USP34: variants seen among roughly 807,000 people sequenced by gnomAD.
USP34 encodes the protein ubiquitin carboxyl-terminal hydrolase 34.
In USP34, 70 loss-of-function variants were observed where a neutral mutation model predicts 460.3. The ratio of observed to expected loss-of-function variants is 0.15; its 90% CI spans 0.13 to 0.19. The LOEUF (loss-of-function observed/expected upper bound fraction) is 0.19. USP34 is among the 10% of genes least tolerant of loss of function. USP34 has a pLI of 1.00. For missense variants in USP34, 3,985 were observed against 4,236.2 expected (o/e 0.94, Z 1.65); for synonymous variants, 1,647 against 1,405.3 (o/e 1.17, Z -3.85).
At position 61,373,378 on chromosome 2, in the gene USP34, T is replaced by A. The variant is rs530966962; in HGVS notation, c.1077-2799A>T. ...AGATTATATGACTAGTTTTTTTTTT[T>A]AAAGATCCAACTATATGCTACCCCC... On this transcript the variant is annotated intron_variant, in intron 8 of 79. Coordinates refer to ENST00000398571, the MANE Select transcript of USP34 (RefSeq NM_014709.4). Among the ~76,000 whole-genome samples, 10 of 151,490 alleles carry A rather than the reference T, an allele frequency of 6.6e-5. No homozygotes were observed. In the South Asian group the frequency reaches 1.9e-3, roughly 29 times the overall value.
chr2:61,274,097 G>T (rs1384781703), intron 41 of USP34, among the ~76,000 whole-genome samples: 1 of 151,588 alleles, frequency 6.6e-6, no homozygotes, highest in Non-Finnish European at 1.5e-5. Context: ...TTCTGGCTTC[G>T]AAAATAAGCA....
In USP34 at chr2:61,236,154, T is replaced by C. The variant is rs772663167; in HGVS notation, c.6918+7A>G. The C allele has an allele frequency of 1.2e-6, 2 of 1,605,674 alleles. No individual in the cohort carries two copies. Among genetic ancestry groups the C allele is most frequent in the Non-Finnish European group, 1.7e-6 (2 of 1,177,206 alleles). ...ACAGAATTATTTAAAGTTCATATAT[T>C]TATTACCTTTGCTGTCATTAAGGAC... On this transcript the variant is annotated splice_region_variant and intron_variant, in intron 55 of 79. Transcript: ENST00000398571.
At chr2:61,302,521 C>T (rs1252173415) in intron 27 of USP34, among the ~76,000 whole-genome samples, 2 of 152,098 alleles carry the variant, frequency 1.3e-5, no homozygotes, top group Non-Finnish European at 2.9e-5. Flanking sequence ...TCAATCTTGG[C>T]CCTCAAAATG....
In USP34 at chr2:61,325,384, C is replaced by A; in HGVS notation, c.3004G>T (p.Asp1002Tyr). 1 of 1,549,514 alleles carries A rather than the reference C, an allele frequency of 6.5e-7. No homozygotes were observed. The highest frequency in any genetic ancestry group is 8.7e-7 in the Non-Finnish European group (1 of 1,155,508). ...TGATTAAAAAACTTACTGAAATGAT[C>A]AGGTGATCCCAGAGTTGAAAATACA... ...TCVFSTLGSP[D>Y]HFRLSLEQVD... is the part of the protein sequence containing the mutation. The change falls in exon 21 of 80, where the codon GAT becomes TAT. Residue 1002 changes from aspartate to tyrosine, a missense_variant. Physicochemically the swap from Asp to Tyr is radical, Grantham distance 160 (BLOSUM62 -3). Coordinates refer to ENST00000398571, the MANE Select transcript of USP34 (RefSeq NM_014709.4).
intron 41 of USP34, among the ~76,000 whole-genome samples, chr2:61,275,255 G>T (rs1689337205): frequency 6.6e-6 from 1 of 152,020 alleles, no homozygotes; most frequent in Non-Finnish European, 1.5e-5. Context: ...GTCCAGCCTG[G>T]GTGACAGAGC....
rs1691917526 is a variant in USP34, at chr2:61,350,651, G to C, written c.1294C>G (p.Leu432Val). Reference sequence around the variant, plus strand: ...GGTACGGGATCCAAATTCTTGATGAGTGAAGGAAATAAGTCATGTATATAC... The same window carrying C: ...GGTACGGGATCCAAATTCTTGATGACTGAAGGAAATAAGTCATGTATATAC... ...SRYIHDLFPS[L>V]IKNLDPVPLR... is the part of the protein sequence containing the mutation. The change falls in exon 11 of 80, where the codon CTC (leucine) becomes GTC (valine). Residue 432 changes from leucine to valine, a missense_variant. Transcript: ENST00000398571. The C allele has an allele frequency of 1.9e-6, 3 of 1,613,590 alleles. No homozygotes were observed. Among genetic ancestry groups the C allele is most frequent in the South Asian group, 2.2e-5 (2 of 91,000 alleles).
chr2:61,189,413 C>A, intron 78 of USP34: 1 of 171,050 alleles, frequency 5.8e-6, no homozygotes, highest in Non-Finnish European at 1.2e-5. Context: ...GCTGGGACTA[C>A]AGGCGCCCGC....
chr2:61,379,148 T>C (rs2103859756), intron 7 of USP34, among the ~76,000 whole-genome samples: 1 of 152,328 alleles, frequency 6.6e-6, no homozygotes, highest in East Asian at 1.9e-4. Context: ...TTTATATTTA[T>C]GAAACCCGGT....
chr2:61,254,773 T>C (rs1688678160), intron 48 of USP34, among the ~76,000 whole-genome samples: 1 of 152,164 alleles, frequency 6.6e-6, no homozygotes, highest in African/African-American at 2.4e-5. Flanking sequence ...CTGGGGAACA[T>C]GTGAATCATC....
At chr2:61,445,460 G>A (rs868443999) in intron 1 of USP34, among the ~76,000 whole-genome samples, 1 of 150,666 alleles carries the variant, frequency 6.6e-6, no homozygotes, top group East Asian at 2.0e-4. Context: ...GCATGAACCC[G>A]GGAGGCAGAG....
At chr2:61,202,588 TCA>T (rs1335040834) in intron 75 of USP34, among the ~76,000 whole-genome samples, 1 of 152,210 alleles carries the variant, frequency 6.6e-6, no homozygotes, top group Non-Finnish European at 1.5e-5. Context: ...GCCACATAAT[TCA>T]CTGATGGTTT....
intron 33 of USP34, among the ~76,000 whole-genome samples, 180 bp downstream of exon 33, chr2:61,293,284 T>C (rs556761224): frequency 1.7e-4 from 26 of 152,154 alleles, no homozygotes; most frequent in Non-Finnish European, 2.8e-4. Context: ...TTAATACTGA[T>C]AACATGAAAA....
chr2:61,403,992 CAAA>C (rs71405114), intron 3 of USP34, among the ~76,000 whole-genome samples: 2 of 29,110 alleles, frequency 6.9e-5, no homozygotes, highest in African/African-American at 8.9e-5. Context: ...GACTCTATCT[CAAA>C]AAAAAAAAAA....
Position 61,325,442 on chromosome 2 carries a change from A to G in USP34, c.2946T>C (p.Ala982=). 1 of 1,550,528 alleles carries G rather than the reference A, an allele frequency of 6.4e-7. No individual in the cohort carries two copies. The highest frequency in any genetic ancestry group is 1.3e-5 in the South Asian group (1 of 79,366). Residue 982 remains alanine, a synonymous_variant, in exon 21 of 80, where the codon GCT becomes GCC. Transcript: ENST00000398571. ...RQKHALYSHS[A]EVQVRLQFLT... ...AGAATTGAAGACGAACTTGAACTTC[A>G]GCACTATGGCTGTACCTATAATTTA...
chr2:61,354,968 C>T (rs1200429156), intron 10 of USP34, among the ~76,000 whole-genome samples: 1 of 152,124 alleles, frequency 6.6e-6, no homozygotes, highest in Non-Finnish European at 1.5e-5. Flanking sequence ...ATCTCAGAGC[C>T]CCACATCCCT....
intron 10 of USP34, among the ~76,000 whole-genome samples, chr2:61,352,494 T>G (rs1232520609): frequency 4.6e-5 from 7 of 151,952 alleles, no homozygotes; most frequent in African/African-American, 1.7e-4. Context: ...ACTTGGTTAT[T>G]TTTGTTTTGT....
chr2:61,238,708 T>C (rs1391253014), intron 53 of USP34, among the ~76,000 whole-genome samples: 2 of 152,184 alleles, frequency 1.3e-5, no homozygotes, highest in African/African-American at 4.8e-5. Context: ...CATTTAAAAA[T>C]AGTAAGCTGG....
chr2:61,370,034 A>G (rs981197248), intron 10 of USP34, among the ~76,000 whole-genome samples: 11 of 151,906 alleles, frequency 7.2e-5, no homozygotes, highest in African/African-American at 2.7e-4. Flanking sequence ...TACCAATACA[A>G]TAATTCAGGA....
At chr2:61,254,037 T>C (rs1688657517) in intron 48 of USP34, among the ~76,000 whole-genome samples, 1 of 152,186 alleles carries the variant, frequency 6.6e-6, no homozygotes, top group Non-Finnish European at 1.5e-5. Flanking sequence ...GCCTGGCCTG[T>C]TGCCAAACTT....
Sources: gnomAD v4.1 joint callset for allele counts (sites outside exome capture counted in the v4.1 genomes callset) on GRCh38, gnomAD v4.1.1 for gene constraint, MANE v1.5 for transcripts, NCBI Gene and HGNC (gene_info 2026-07-23, HGNC 2026-07-21) for gene names.